Variants in ARID4B observed in about 807,000 individuals in gnomAD.
ARID4B encodes AT-rich interactive domain-containing protein 4B.
In ARID4B, 26 loss-of-function variants were observed where a neutral mutation model predicts 147.5. The observed-to-expected ratio is 0.18, with a 90% CI of 0.13 to 0.24. The LOEUF is 0.24. Among genes scored for constraint, ARID4B ranks in the 10% least tolerant of loss-of-function variants. The probability of loss-of-function intolerance (pLI) is 1.00; values close to 1 mark genes in which losing one functional copy is unlikely to be tolerated. For missense variants in ARID4B, 1,179 were observed against 1,511.5 expected (o/e 0.78, Z 3.65); for synonymous variants, 512 against 507.9 (o/e 1.01, Z -0.11).
At chr1:235,258,918 A>G (rs1670139014) in intron 3 of ARID4B, among the ~76,000 whole-genome samples, 1 of 152,270 alleles carries the variant, frequency 6.6e-6, no homozygotes, top group Admixed American at 6.5e-5. Context: ...GAAAACAGGT[A>G]GTGAAAACAT....
In ARID4B at chr1:235,290,433, C is replaced by CAA. The variant is rs35171807; in HGVS notation, c.7-29683_7-29682dup. 1.9e-3 allele frequency among the ~76,000 whole-genome samples: 257 copies of CAA among 131,984 alleles called. 2 individuals are homozygous for CAA. Among genetic ancestry groups the CAA allele is most frequent in the South Asian group, 4.1e-3 (18 of 4,352 alleles). 86.6% of individuals were successfully genotyped at this position (131,984 alleles called of 152,430 possible). Reference sequence around the variant, plus strand: ...GGACGACAGAATGAGATTCCATCACCAAAAAAAAAAAAAAGCACATGTGCT... The same window carrying CAA: ...GGACGACAGAATGAGATTCCATCACCAAAAAAAAAAAAAAAAGCACATGTGCT... On this transcript the variant is annotated intron_variant, in intron 2 of 23. Transcript: ENST00000264183.
intron 2 of ARID4B, among the ~76,000 whole-genome samples, chr1:235,275,495 G>A (rs1375126996): frequency 1.3e-5 from 2 of 152,212 alleles, no homozygotes; most frequent in Non-Finnish European, 2.9e-5. Context: ...TTCTCTGAGT[G>A]ACTGAGAGAA....
chr1:235,178,603 G>C (rs886539911), intron 20 of ARID4B, among the ~76,000 whole-genome samples: 4 of 152,048 alleles, frequency 2.6e-5, no homozygotes, highest in African/African-American at 4.8e-5. Flanking sequence ...AGGCTTCACT[G>C]ATCAATCACT....
intron 12 of ARID4B, 122 bp from the exon 13 acceptor site, chr1:235,223,382 T>TATATATATAC: frequency 4.7e-6 from 1 of 213,204 alleles, no homozygotes; most frequent in South Asian, 1.4e-4. Flanking sequence ...TATATATATA[T>TATATATATAC]ACACGTATAT....
rs921862777 is a variant in ARID4B, at chr1:235,182,173, G to A, written c.2746C>T (p.Leu916Phe). The A allele has an allele frequency of 6.2e-7, 1 of 1,614,066 alleles. No homozygotes were observed. The highest frequency in any genetic ancestry group is 1.3e-5 in the African/African-American group (1 of 74,934). The stretch of plus-strand genomic sequence containing the variant: ...CGATCTTTGGCCCTGCTGTTTTGAA[G>A]TCTTTCATCAGAGTTATTTAAAAGT... ...IKLLNNSDER[L>F]QNSRAKDRKD... The change falls in exon 20 of 24, where the codon CTT becomes TTT. Residue 916 changes from leucine to phenylalanine, a missense_variant. This residue lies in a region of ARID4B where 321 missense variants were observed against 342.4 expected (regional missense o/e 0.94). Coordinates refer to ENST00000264183, the MANE Select transcript of ARID4B (RefSeq NM_016374.6).
chr1:235,309,615 C>T (rs1187685959), intron 2 of ARID4B, among the ~76,000 whole-genome samples: 8 of 151,582 alleles, frequency 5.3e-5, no homozygotes, highest in Middle Eastern at 6.8e-3. Flanking sequence ...TCTGCCCGGC[C>T]ACCCCTACTG....
At chr1:235,190,006 G>C (rs549900786) in intron 19 of ARID4B, 1 of 154,364 alleles carries the variant, frequency 6.5e-6, no homozygotes, top group African/African-American at 2.4e-5. Flanking sequence ...AAAGAGTCTA[G>C]CAAGTAGGCA....
At chr1:235,254,723 A>G (rs748910525) in intron 5 of ARID4B, among the ~76,000 whole-genome samples, 1 of 151,952 alleles carries the variant, frequency 6.6e-6, no homozygotes, top group Non-Finnish European at 1.5e-5. Context: ...CTAATAAGAA[A>G]AAGATAAATC....
chr1:235,327,573 G>C (rs923172953), intron 1 of ARID4B, 196 bp downstream of exon 1: 3 of 152,192 alleles, frequency 2.0e-5, no homozygotes, highest in Non-Finnish European at 2.9e-5. Flanking sequence ...CTAAACCGCT[G>C]AGTGTGCGGC....
chr1:235,216,303 A>C (rs1667071455), intron 16 of ARID4B, among the ~76,000 whole-genome samples: 1 of 147,860 alleles, frequency 6.8e-6, no homozygotes, highest in African/African-American at 2.6e-5. Context: ...ATATACATAT[A>C]TATGTATACA....
At chr1:235,297,391 A>T (rs1190261951) in intron 2 of ARID4B, among the ~76,000 whole-genome samples, 1 of 152,170 alleles carries the variant, frequency 6.6e-6, no homozygotes, top group East Asian at 1.9e-4. Flanking sequence ...GAGGAATTAA[A>T]TTTTTATAGC....
intron 20 of ARID4B, chr1:235,181,130 G>A (rs1242955834): frequency 9.8e-7 from 1 of 1,024,636 alleles, no homozygotes; most frequent in South Asian, 4.6e-5. Context: ...GCAGTGCCTG[G>A]ACAGTTGGTT....
chr1:235,298,562 A>T (rs1672914206), intron 2 of ARID4B, among the ~76,000 whole-genome samples: 1 of 148,492 alleles, frequency 6.7e-6, no homozygotes, highest in Non-Finnish European at 1.5e-5. Context: ...ATGTATATTT[A>T]TATATATCCA....
intron 1 of ARID4B, chr1:235,327,253 A>C (rs1675354188): frequency 9.2e-6 from 2 of 218,506 alleles, no homozygotes; most frequent in African/African-American, 2.3e-5. Flanking sequence ...GAAACTCACA[A>C]CAAGCCCGGC....
At chr1:235,236,285 ACAT>A (rs1207179032) in intron 8 of ARID4B, among the ~76,000 whole-genome samples, 1 of 152,144 alleles carries the variant, frequency 6.6e-6, no homozygotes, top group Non-Finnish European at 1.5e-5. Context: ...GAGATAACAT[ACAT>A]CAATAATTCT....
At chr1:235,318,117 T>C (rs1265593257) in intron 2 of ARID4B, among the ~76,000 whole-genome samples, 1 of 150,608 alleles carries the variant, frequency 6.6e-6, no homozygotes, top group Non-Finnish European at 1.5e-5. Context: ...CTTCATAAGA[T>C]GGACTATTAT....
chr1:235,248,302 G>A (rs1005223946), intron 6 of ARID4B, among the ~76,000 whole-genome samples: 11 of 151,962 alleles, frequency 7.2e-5, no homozygotes, highest in Non-Finnish European at 8.8e-5. Flanking sequence ...TGCCCAACTC[G>A]GCCTCCCAAA....
intron 11 of ARID4B, among the ~76,000 whole-genome samples, chr1:235,227,067 T>C (rs868113676): frequency 6.6e-6 from 1 of 152,088 alleles, no homozygotes; most frequent in Non-Finnish European, 1.5e-5. Flanking sequence ...GGCACCTAAG[T>C]AGGGTTCTGA....
At chr1:235,247,594 A>G (rs1382727005) in intron 6 of ARID4B, among the ~76,000 whole-genome samples, 1 of 152,252 alleles carries the variant, frequency 6.6e-6, no homozygotes, top group African/African-American at 2.4e-5. Context: ...GACAAAAATC[A>G]TAGCTTTCAC....
Sources: gnomAD v4.1 joint callset for allele counts (sites outside exome capture counted in the v4.1 genomes callset) on GRCh38, gnomAD v4.1.1 for gene constraint, gnomAD v4.1.1 regional missense constraint, MANE v1.5 for transcripts, NCBI Gene and HGNC (gene_info 2026-07-23, HGNC 2026-07-21) for gene names.